Variants in CLIC5 observed in about 807,000 individuals in gnomAD.
CLIC5 encodes CLIC family member 5.
Under a neutral mutation model 24.7 loss-of-function variants are expected in CLIC5, and 20 were observed. The observed-to-expected ratio is 0.81, with a 90% confidence interval of 0.57 to 1.18. The LOEUF is 1.18. Ranked by LOEUF, CLIC5 falls within the 50% of genes most tolerant of loss-of-function variation. CLIC5 has a pLI of 0.00. For synonymous variants in CLIC5, 159 were observed against 135.6 expected (o/e 1.17, Z -1.20); for missense variants, 341 against 326.1 (o/e 1.05, Z -0.35).
At chr6:46,080,526 C>T (rs1762897988), upstream of CLIC5, among the ~76,000 whole-genome samples, 1 of 152,208 alleles carries the variant, frequency 6.6e-6, no homozygotes, top group African/African-American at 2.4e-5. Flanking sequence ...TTGGCAGTAA[C>T]TCCAAGATTC....
chr6:45,985,265 G>C lies in CLIC5; in HGVS notation c.64-30021C>G, dbSNP rs532640848. On this transcript the variant is annotated intron_variant, in intron 1 of 5. Coordinates refer to ENST00000339561, the MANE Select transcript of CLIC5 (RefSeq NM_016929.5). Reference sequence around the variant, plus strand: ...TAGGGAGTGGTAAGAGATGGGCCCAGAGAGATAACAGGGAGCAGATCATGA... The same window carrying C: ...TAGGGAGTGGTAAGAGATGGGCCCACAGAGATAACAGGGAGCAGATCATGA... Among the ~76,000 whole-genome samples the C allele has an allele frequency of 3.3e-5, 5 of 152,338 alleles. No individual in the cohort carries two copies. The East Asian group carries it at 9.6e-4, about 29-fold the overall frequency.
chr6:45,932,810 A>G (rs535280829), intron 4 of CLIC5: 2 of 152,426 alleles, frequency 1.3e-5, no homozygotes, highest in South Asian at 2.1e-4. Context: ...TGAATGGAAC[A>G]AGAAGACAAG....
At chr6:46,092,365 T>C in the CLIC5 span, among the ~76,000 whole-genome samples, 1 of 152,242 alleles carries the variant, frequency 6.6e-6, no homozygotes, top group Non-Finnish European at 1.5e-5. Flanking sequence ...ACAATGCCAA[T>C]TACAAAAGTA....
At chr6:45,941,185 T>C (rs1449064147) in intron 4 of CLIC5, among the ~76,000 whole-genome samples, 2 of 152,198 alleles carry the variant, frequency 1.3e-5, no homozygotes, top group Non-Finnish European at 1.5e-5. Flanking sequence ...TATGTTGCTC[T>C]AATGTGATCA....
chr6:46,080,168 T>G, exon 1 of CLIC5: 2 of 1,551,702 alleles, frequency 1.3e-6, no homozygotes, highest in Non-Finnish European at 1.7e-6. Context: ...CATTTTCTTC[T>G]GGCTGGTCTG....
Position 46,066,660 on chromosome 6 carries a change from C to T in CLIC5, c.540+13043G>A, listed in dbSNP as rs571414721. ...TAAGATGTAGCTGGAAAGTGCTTTC[C>T]TTGTGGAGCTTTCAGTCTTGTAATA... On this transcript the variant is annotated intron_variant, in intron 1 of 5. Transcript: ENST00000185206. 2.1e-4 allele frequency among the ~76,000 whole-genome samples: 32 copies of T among 152,212 alleles called. No homozygotes were observed. In the South Asian group the frequency reaches 6.6e-3, roughly 32 times the overall value.
chr6:46,050,123 G>C (rs1313253863), intron 1 of CLIC5, among the ~76,000 whole-genome samples: 2 of 152,154 alleles, frequency 1.3e-5, no homozygotes, highest in African/African-American at 4.8e-5. Context: ...TCACTGGGCT[G>C]TTTATTCACT....
chr6:46,048,771 G>T (rs969163648), intron 1 of CLIC5, among the ~76,000 whole-genome samples: 3 of 152,130 alleles, frequency 2.0e-5, no homozygotes, highest in Admixed American at 2.0e-4. Context: ...GCCATCAGGT[G>T]CCACTTGTCT....
intron 1 of CLIC5, among the ~76,000 whole-genome samples, chr6:46,031,303 G>A (rs559793650): frequency 6.6e-6 from 1 of 152,148 alleles, no homozygotes; most frequent in South Asian, 2.1e-4. Flanking sequence ...GTGCCAACGG[G>A]TGCCATAATG....
rs572526293 is a variant in CLIC5 at position 46,075,155 on chromosome 6, A to C, written c.540+4548T>G. Among the ~76,000 whole-genome samples, 6 of 152,354 alleles carry C rather than the reference A, an allele frequency of 3.9e-5. No individual in the cohort carries two copies. In the South Asian group the frequency reaches 1.0e-3, roughly 26 times the overall value. ...ATTTAATCTTTATAATAACCCTATG[A>C]GGAAGGTATCATAATGTCCATTTTA... On this transcript the variant is annotated intron_variant, in intron 1 of 5. Coordinates refer to the CLIC5 transcript ENST00000185206.
intron 1 of CLIC5, among the ~76,000 whole-genome samples, chr6:45,985,990 C>T (rs1347504315): frequency 1.3e-5 from 2 of 152,058 alleles, no homozygotes; most frequent in Non-Finnish European, 2.9e-5. Flanking sequence ...CTTAGGATAT[C>T]TGATAGTTTT....
intron 1 of CLIC5, among the ~76,000 whole-genome samples, chr6:46,041,078 G>A (rs1049936680): frequency 6.6e-6 from 1 of 152,058 alleles, no homozygotes; most frequent in African/African-American, 2.4e-5. Context: ...TCAAGATGGT[G>A]GAATAATATT....
the CLIC5 span, among the ~76,000 whole-genome samples, chr6:46,090,792 CT>C: frequency 6.6e-6 from 1 of 152,166 alleles, no homozygotes; most frequent in Non-Finnish European, 1.5e-5. Context: ...CTAAAGCTGA[CT>C]TCTTACATGT....
chr6:46,067,939 T>C (rs558247270), intron 1 of CLIC5, among the ~76,000 whole-genome samples: 8 of 152,302 alleles, frequency 5.3e-5, no homozygotes, highest in Non-Finnish European at 8.8e-5. Flanking sequence ...CCTGAAAATA[T>C]GACCTTATTT....
At chr6:45,965,526 C>T (rs765389697) in intron 1 of CLIC5, among the ~76,000 whole-genome samples, 2 of 152,184 alleles carry the variant, frequency 1.3e-5, no homozygotes, top group Non-Finnish European at 2.9e-5. Flanking sequence ...TCATCCTATT[C>T]TTTAGACCTG....
At chr6:45,943,399 A>G (rs1319310818) in intron 3 of CLIC5, among the ~76,000 whole-genome samples, 1 of 152,204 alleles carries the variant, frequency 6.6e-6, no homozygotes, top group Non-Finnish European at 1.5e-5. Context: ...GTATACTGAG[A>G]ATCACCACAT....
At chr6:46,030,107 C>G (rs562752535) in intron 1 of CLIC5, among the ~76,000 whole-genome samples, 1 of 152,108 alleles carries the variant, frequency 6.6e-6, no homozygotes, top group Non-Finnish European at 1.5e-5. Context: ...GAGCCTCATA[C>G]GTATATATAA....
At position 45,954,568 on chromosome 6, in the gene CLIC5, G is replaced by A. The variant is rs116124156; in HGVS notation, c.173+567C>T. 7.0e-3 allele frequency among the ~76,000 whole-genome samples: 1,072 copies of A among 152,274 alleles called. 11 individuals are homozygous for A. The highest frequency in any genetic ancestry group is 0.024 in the African/African-American group (989 of 41,556). On this transcript the variant is annotated intron_variant, in intron 2 of 5. Coordinates refer to ENST00000339561, the MANE Select transcript of CLIC5 (RefSeq NM_016929.5). ...CATTTAAACAACAGGTAGAAGACAGGAAACAGAATACATTCTGTAGGAGTG... is the reference window on the plus strand; with the variant it reads ...CATTTAAACAACAGGTAGAAGACAGAAAACAGAATACATTCTGTAGGAGTG...
In CLIC5 at chr6:45,974,522, T is replaced by TAG. The variant is rs58729329; in HGVS notation, c.64-19280_64-19279dup. The stretch of plus-strand genomic sequence containing the variant: ...GTATATATATATATATATATATATA[T>TAG]AGAGAGAGAGAGAGAGAGAGAGAGA... On this transcript the variant is annotated intron_variant, in intron 1 of 5. Transcript: ENST00000339561. 5.1e-3 allele frequency among the ~76,000 whole-genome samples: 335 copies of TAG among 66,002 alleles called. 1 individual carries two copies. Among genetic ancestry groups the TAG allele is most frequent in the African/African-American group, 6.7e-3 (108 of 16,030 alleles). The allele number at this position is 66,002 out of a possible 152,430, so 43.3% of individuals were successfully genotyped here.
Sources: gnomAD v4.1 joint callset for allele counts (sites outside exome capture counted in the v4.1 genomes callset) on GRCh38, gnomAD v4.1.1 for gene constraint, MANE v1.5 for transcripts, NCBI Gene and HGNC (gene_info 2026-07-23, HGNC 2026-07-21) for gene names.